Variants in ARHGEF3 observed in about 807,000 individuals in gnomAD.
ARHGEF3 encodes Rho guanine nucleotide exchange factor 3, also known as 59.8 kDA protein.
In ARHGEF3, 28 loss-of-function variants were observed where a neutral mutation model predicts 63.2. The ratio of observed to expected loss-of-function variants is 0.44; its 90% CI spans 0.33 to 0.61. The LOEUF (loss-of-function observed/expected upper bound fraction) is 0.61, where lower values mean the gene tolerates loss of function less well. Ranked by LOEUF, ARHGEF3 falls within the 20% of genes least tolerant of loss-of-function variation. The probability of loss-of-function intolerance (pLI) is 0.03; values close to 1 mark genes in which losing one functional copy is unlikely to be tolerated. For missense variants in ARHGEF3, 533 were observed against 659.3 expected (o/e 0.81, Z 2.10); for synonymous variants, 266 against 254.2 (o/e 1.05, Z -0.44).
Position 57,012,940 on chromosome 3 carries a change from C to T in ARHGEF3, c.62+22148G>A, listed in dbSNP as rs141526248. Among the ~76,000 whole-genome samples, 926 of 152,346 alleles carry T rather than the reference C, an allele frequency of 6.1e-3. 17 individuals are homozygous for T. The highest frequency in any genetic ancestry group is 0.021 in the African/African-American group (889 of 41,586). On this transcript the variant is annotated intron_variant, in intron 2 of 12. Coordinates refer to the ARHGEF3 transcript ENST00000338458. The stretch of plus-strand genomic sequence containing the variant: ...CGGGCTCGCAGGCCAGCGTGAATTC[C>T]GGGTGGGTGCGGGCTTGGCAGGCCC...
chr3:56,996,965 A>C (rs1702021662), intron 2 of ARHGEF3, among the ~76,000 whole-genome samples: 1 of 149,672 alleles, frequency 6.7e-6, no homozygotes. Context: ...TGTGTGGCCC[A>C]AGACAATTAT....
intron 8 of ARHGEF3, among the ~76,000 whole-genome samples, chr3:56,733,984 C>CAAAAAA: frequency 1.8e-5 from 1 of 55,118 alleles, no homozygotes; most frequent in Non-Finnish European, 3.5e-5. Flanking sequence ...AATTCTGTCT[C>CAAAAAA]AAAAAAAAAA....
At chr3:57,003,383 C>A (rs991753067) in intron 2 of ARHGEF3, among the ~76,000 whole-genome samples, 4 of 114,432 alleles carry the variant, frequency 3.5e-5, no homozygotes, top group Non-Finnish European at 6.5e-5. Context: ...AGCCTGGCAA[C>A]GAAGCGAGAC....
chr3:56,850,598 T>C (rs2039643178), intron 4 of ARHGEF3, among the ~76,000 whole-genome samples: 1 of 152,190 alleles, frequency 6.6e-6, no homozygotes, highest in Non-Finnish European at 1.5e-5. Flanking sequence ...TTTCCATAAG[T>C]AGGAAACAAA....
rs555641379 is a variant in ARHGEF3, at chr3:56,923,487, T to C, written c.129+35336A>G. ...TTTCTATCCTGATTTGACTGTCAAC[T>C]GGGCATCTAAGAAAAAGGTAATAGA... On this transcript the variant is annotated intron_variant, in intron 3 of 12. Transcript: ENST00000338458. 3.9e-5 allele frequency among the ~76,000 whole-genome samples: 6 copies of C among 152,256 alleles called. No homozygotes were observed. In the South Asian group the frequency reaches 1.2e-3, roughly 32 times the overall value.
intron 6 of ARHGEF3, among the ~76,000 whole-genome samples, chr3:56,750,647 A>AT (rs1268223168): frequency 3.4e-5 from 5 of 146,208 alleles, no homozygotes; most frequent in Non-Finnish European, 6.0e-5. Flanking sequence ...GACCATGAGA[A>AT]TTTTTTTTTA....
chr3:57,044,809 AC>A (rs1248386846), intron 1 of ARHGEF3, among the ~76,000 whole-genome samples: 4 of 152,164 alleles, frequency 2.6e-5, no homozygotes, highest in Non-Finnish European at 4.4e-5. Flanking sequence ...CAAGCGGTCA[AC>A]CCCTGCCTGG....
intron 1 of ARHGEF3, among the ~76,000 whole-genome samples, chr3:56,783,608 C>G (rs1179733033): frequency 6.6e-6 from 1 of 152,042 alleles, no homozygotes; most frequent in Non-Finnish European, 1.5e-5. Context: ...AAAAAAAGAG[C>G]CTTGGGAAAT....
intron 3 of ARHGEF3, among the ~76,000 whole-genome samples, chr3:56,906,055 G>C (rs575285704): frequency 1.3e-5 from 2 of 151,934 alleles, no homozygotes; most frequent in African/African-American, 4.8e-5. Flanking sequence ...AGTAGAGATC[G>C]GGTTTCATCA....
intron 4 of ARHGEF3, among the ~76,000 whole-genome samples, chr3:56,870,590 ACAAGT>A (rs1173881116): frequency 1.3e-5 from 2 of 152,320 alleles, no homozygotes; most frequent in Non-Finnish European, 2.9e-5. Context: ...GTACAAAACC[ACAAGT>A]GAACTCTAAT....
At chr3:56,855,773 TA>T (rs1484935981) in intron 4 of ARHGEF3, among the ~76,000 whole-genome samples, 1 of 151,614 alleles carries the variant, frequency 6.6e-6, no homozygotes, top group Non-Finnish European at 1.5e-5. Context: ...ACTACGACAC[TA>T]AAGTGGAAGG....
intron 2 of ARHGEF3, among the ~76,000 whole-genome samples, chr3:57,030,006 G>A (rs1703665988): frequency 6.6e-6 from 1 of 152,190 alleles, no homozygotes; most frequent in African/African-American, 2.4e-5. Flanking sequence ...GAGCTGATAA[G>A]TGGATCAAGG....
chr3:56,916,561 C>T, intron 3 of ARHGEF3: 1 of 1,214,960 alleles, frequency 8.2e-7, no homozygotes, highest in African/African-American at 1.6e-5. Context: ...GCTACTGCTG[C>T]TTTTGCAGAG....
chr3:56,819,853 A>G (rs2108032545), intron 4 of ARHGEF3, among the ~76,000 whole-genome samples: 1 of 149,946 alleles, frequency 6.7e-6, no homozygotes, highest in Middle Eastern at 3.6e-3. Context: ...TTTGTCATCC[A>G]GGCTGGAGGT....
intron 2 of ARHGEF3, among the ~76,000 whole-genome samples, chr3:56,959,186 C>G (rs942608004): frequency 6.6e-6 from 1 of 152,192 alleles, no homozygotes; most frequent in Non-Finnish European, 1.5e-5. Context: ...GACTCCCAAT[C>G]TTTGTCTTGA....
chr3:56,968,374 C>T (rs1446162954), intron 2 of ARHGEF3, among the ~76,000 whole-genome samples: 8 of 99,486 alleles, frequency 8.0e-5, no homozygotes, highest in Admixed American at 4.1e-4. Flanking sequence ...GGTCTTACTC[C>T]GTTGCCCAGG....
chr3:56,987,412 G>A (rs1370174959), intron 2 of ARHGEF3, among the ~76,000 whole-genome samples: 2 of 152,216 alleles, frequency 1.3e-5, no homozygotes, highest in African/African-American at 2.4e-5. Flanking sequence ...GCACTGGGCT[G>A]AGCTCTGGGC....
At chr3:56,864,777 A>G (rs1274439562) in intron 4 of ARHGEF3, among the ~76,000 whole-genome samples, 1 of 152,232 alleles carries the variant, frequency 6.6e-6, no homozygotes, top group African/African-American at 2.4e-5. Flanking sequence ...TCAGGAAGCT[A>G]TGCAATGATC....
intron 3 of ARHGEF3, among the ~76,000 whole-genome samples, chr3:56,943,983 C>G (rs1269266690): frequency 6.6e-6 from 1 of 150,644 alleles, no homozygotes; most frequent in African/African-American, 2.4e-5. Context: ...TCGAGACCAG[C>G]CTGGCCACAT....
Sources: gnomAD v4.1 joint callset for allele counts (sites outside exome capture counted in the v4.1 genomes callset) on GRCh38, gnomAD v4.1.1 for gene constraint, MANE v1.5 for transcripts, NCBI Gene and HGNC (gene_info 2026-07-23, HGNC 2026-07-21) for gene names.